OTOGL: variants seen among roughly 807,000 people sequenced by gnomAD.
The protein encoded by OTOGL is otogelin like.
In OTOGL, 285 loss-of-function variants were observed where a neutral mutation model predicts 318.5. That is an observed-to-expected ratio of 0.89 (90% confidence interval 0.81 to 0.99). The LOEUF (loss-of-function observed/expected upper bound fraction) is 0.99. Among genes scored for constraint, OTOGL ranks in the 50% least tolerant of loss-of-function variants. OTOGL has a pLI of 0.00. For missense variants in OTOGL, 2,899 were observed against 2,845.6 expected (o/e 1.02, Z -0.43); for synonymous variants, 987 against 936.5 (o/e 1.05, Z -0.99).
intron 1 of OTOGL, chr12:80,132,093 A>C (rs1391621061): frequency 6.6e-6 from 1 of 152,132 alleles, no homozygotes; most frequent in Admixed American, 6.6e-5. Flanking sequence ...CAGGCCCAGA[A>C]ATCTGTCTTT....
chr12:80,191,879 G>A (rs1221196407), intron 1 of OTOGL, among the ~76,000 whole-genome samples: 1 of 152,166 alleles, frequency 6.6e-6, no homozygotes, highest in Non-Finnish European at 1.5e-5. Flanking sequence ...ACATACTGTG[G>A]TGCATTAGAT....
At chr12:80,240,255 G>A (rs185364916) in intron 11 of OTOGL, among the ~76,000 whole-genome samples, 46 of 152,098 alleles carry the variant, frequency 3.0e-4, no homozygotes, top group African/African-American at 1.0e-3. Flanking sequence ...TTAGTGGATT[G>A]CTAGATTATA....
In OTOGL at chr12:80,358,294, A is replaced by G. The variant is rs761602307; in HGVS notation, c.6066A>G (p.Glu2022=). ...TKPVPLCHDG[E]FLTVDLNSTH... is the part of the protein sequence containing the mutation. Reference sequence around the variant, plus strand: ...CTGTTCCACTATGTCATGATGGGGAATTTCTCACAGTAGATCTTAATAGCA... The same window carrying G: ...CTGTTCCACTATGTCATGATGGGGAGTTTCTCACAGTAGATCTTAATAGCA... Residue 2022 remains glutamate, a synonymous_variant, in exon 50 of 59, where the codon GAA becomes GAG. Coordinates refer to ENST00000547103, the MANE Select transcript of OTOGL (RefSeq NM_001378609.3). 4.3e-6 allele frequency: 7 copies of G among 1,612,234 alleles called. No individual in the cohort carries two copies. In the South Asian group the frequency reaches 7.7e-5, roughly 18 times the overall value.
At chr12:80,229,624 G>C (rs1213663460) in intron 8 of OTOGL, among the ~76,000 whole-genome samples, 1 of 151,960 alleles carries the variant, frequency 6.6e-6, no homozygotes, top group Non-Finnish European at 1.5e-5. Context: ...GTTTACATGG[G>C]TGGAGATGAG....
intron 13 of OTOGL, 32 bp from the exon 14 acceptor site, chr12:80,253,434 T>C (rs1173100033): frequency 9.1e-6 from 14 of 1,539,348 alleles, no homozygotes; most frequent in African/African-American, 1.4e-5. Context: ...TTATTTCTTT[T>C]GAAATTTTGA....
rs576522646 is a variant in OTOGL at position 80,250,088 on chromosome 12, C to G, written c.1053-1605C>G. 5.0e-3 allele frequency among the ~76,000 whole-genome samples: 765 copies of G among 152,140 alleles called. 9 individuals carry two copies. Among genetic ancestry groups the G allele is most frequent in the African/African-American group, 0.018 (731 of 41,482 alleles). On this transcript the variant is annotated intron_variant, in intron 11 of 58. Transcript: ENST00000547103. ...CTGGCACTCCCTAGTGAGATGAACCCGGTACCTCAGATGGAAATGCAGAAA... is the reference window on the plus strand; with the variant it reads ...CTGGCACTCCCTAGTGAGATGAACCGGGTACCTCAGATGGAAATGCAGAAA...
intron 1 of OTOGL, among the ~76,000 whole-genome samples, chr12:80,123,097 A>G (rs1004553348): frequency 2.0e-5 from 3 of 151,644 alleles, no homozygotes; most frequent in South Asian, 2.1e-4. Context: ...GATTTGTTAC[A>G]TATGTATACA....
At chr12:80,144,130 T>C (rs1292635591) in intron 1 of OTOGL, among the ~76,000 whole-genome samples, 1 of 151,918 alleles carries the variant, frequency 6.6e-6, no homozygotes, top group African/African-American at 2.4e-5. Context: ...TATGTAAACA[T>C]GTGCCACGCT....
At chr12:80,344,870 T>G in intron 44 of OTOGL, among the ~76,000 whole-genome samples, 1 of 150,966 alleles carries the variant, frequency 6.6e-6, no homozygotes, top group Non-Finnish European at 1.5e-5. Flanking sequence ...ATGGGATAAA[T>G]TTTTATAATT....
chr12:80,234,446 G>A (rs995071418), intron 9 of OTOGL, among the ~76,000 whole-genome samples: 1 of 152,192 alleles, frequency 6.6e-6, no homozygotes, highest in African/African-American at 2.4e-5. Context: ...AAAGGATGGT[G>A]AAAGGACTAC....
intron 1 of OTOGL, among the ~76,000 whole-genome samples, chr12:80,124,091 T>C (rs1317738018): frequency 1.3e-5 from 2 of 152,222 alleles, no homozygotes; most frequent in African/African-American, 4.8e-5. Context: ...CTTTTGGTGT[T>C]TTAGACATGA....
intron 1 of OTOGL, among the ~76,000 whole-genome samples, chr12:80,100,254 G>A (rs1869058177): frequency 1.3e-5 from 2 of 152,014 alleles, no homozygotes; most frequent in South Asian, 4.1e-4. Context: ...TACTCTTTTA[G>A]TTATTTTAAA....
chr12:80,308,051 TC>T (rs1288256743), intron 29 of OTOGL, among the ~76,000 whole-genome samples: 1 of 97,978 alleles, frequency 1.0e-5, no homozygotes, highest in Non-Finnish European at 2.0e-5. Context: ...GGGGGGCTGA[TC>T]CCCCCACCTC....
chr12:80,249,409 T>C (rs1303853953), intron 11 of OTOGL, among the ~76,000 whole-genome samples: 3 of 151,252 alleles, frequency 2.0e-5, no homozygotes, highest in Non-Finnish European at 2.9e-5. Context: ...TGAAGGTCTG[T>C]TGGAATACCC....
At chr12:80,194,912 C>A (rs12424842) in intron 1 of OTOGL, among the ~76,000 whole-genome samples, 64,948 of 152,024 alleles carry the variant, frequency 0.43, 16,629 homozygotes, top group Admixed American at 0.58. Flanking sequence ...ATAATGAGTT[C>A]TTTACAATTT....
At chr12:80,162,230 C>G (rs1172802360) in intron 1 of OTOGL, among the ~76,000 whole-genome samples, 1 of 152,110 alleles carries the variant, frequency 6.6e-6, no homozygotes. Flanking sequence ...ATGGCAATCA[C>G]AAAACCACAG....
At chr12:80,127,909 C>G (rs967313929) in intron 1 of OTOGL, among the ~76,000 whole-genome samples, 8 of 152,138 alleles carry the variant, frequency 5.3e-5, no homozygotes, top group Non-Finnish European at 5.9e-5. Flanking sequence ...TTAAGGACTT[C>G]TCTGCATTGG....
chr12:80,128,472 G>A (rs1041497347), intron 1 of OTOGL, among the ~76,000 whole-genome samples: 4 of 152,240 alleles, frequency 2.6e-5, no homozygotes, highest in Non-Finnish European at 5.9e-5. Flanking sequence ...CTCCCAGTTA[G>A]GGTACTCGGG....
intron 30 of OTOGL, 56 bp downstream of exon 30, chr12:80,310,783 A>G: frequency 7.2e-7 from 1 of 1,380,544 alleles, no homozygotes; most frequent in Middle Eastern, 1.8e-4. Context: ...TGTGTCTATA[A>G]TACTGAGGTG....
Sources: gnomAD v4.1 joint callset for allele counts (sites outside exome capture counted in the v4.1 genomes callset) on GRCh38, gnomAD v4.1.1 for gene constraint, MANE v1.5 for transcripts, NCBI Gene and HGNC (gene_info 2026-07-23, HGNC 2026-07-21) for gene names.